The following ASTN2 variants were observed in gnomAD, a reference collection of about 807,000 sequenced individuals.
ASTN2 encodes the protein astrotactin 2, also known as astrotactin-2.
In ASTN2, 54 loss-of-function variants were observed where a neutral mutation model predicts 139.8. That is an observed-to-expected ratio of 0.39 (90% confidence interval 0.31 to 0.48). ASTN2 has a LOEUF of 0.48. ASTN2 is among the 20% of genes least tolerant of loss of function. The pLI, the probability that ASTN2 is intolerant of heterozygous loss-of-function variation, is 0.95. For synonymous variants in ASTN2, 756 were observed against 719.5 expected, an observed-to-expected ratio of 1.05 and a Z score of -0.81; for missense variants, 1,565 against 1,725.1, an observed-to-expected ratio of 0.91 and a Z score of 1.64.
At chr9:117,121,942 C>T (rs900255407) in intron 4 of ASTN2, among the ~76,000 whole-genome samples, 64 of 152,244 alleles carry the variant, frequency 4.2e-4, no homozygotes, top group African/African-American at 1.5e-3. Flanking sequence ...AAATCCGCCC[C>T]CAAGATCCAA....
chr9:116,976,704 T>G lies in ASTN2; in HGVS notation c.1673A>C (p.Glu558Ala). The G allele has an allele frequency of 6.2e-7, 1 of 1,613,976 alleles. No individual in the cohort carries two copies. Among genetic ancestry groups the G allele is most frequent in the Non-Finnish European group, 8.5e-7 (1 of 1,179,898 alleles). Residue 558 changes from glutamate (E) to alanine (A), a missense_variant, in exon 8 of 23, where the codon GAA becomes GCA. Coordinates refer to ENST00000313400, the MANE Select transcript of ASTN2 (RefSeq NM_001365068.1). ...CCTGATGCCCTTTGCCACTCACCCT[T>G]CACTCTGTCCCCAGTCACTGCGCAC... ...LCVRSDWGQS[E>A]GPWPYTTLER... is the part of the protein sequence containing the mutation.
intron 19 of ASTN2, chr9:116,611,932 G>C (rs1855559763): frequency 1.3e-5 from 2 of 152,120 alleles, no homozygotes; most frequent in East Asian, 1.9e-4. Context: ...TGTGAGACCA[G>C]AATGATCCTA....
Position 117,326,424 on chromosome 9 carries a change from G to T in ASTN2, c.443-34911C>A, listed in dbSNP as rs150508211. On this transcript the variant is annotated intron_variant, in intron 1 of 22. Coordinates refer to ENST00000313400, the MANE Select transcript of ASTN2 (RefSeq NM_001365068.1). ...CACAATACTTAAAACTGGAGGCTGA[G>T]CACAGATCATAAGGAAAAAAAACAG... Among the ~76,000 whole-genome samples, 939 of 152,142 alleles carry T rather than the reference G, an allele frequency of 6.2e-3. 9 individuals are homozygous for T. The highest frequency in any genetic ancestry group is 0.021 in the African/African-American group (890 of 41,524).
chr9:117,239,665 T>C (rs1451384881), intron 2 of ASTN2, among the ~76,000 whole-genome samples: 3 of 152,226 alleles, frequency 2.0e-5, no homozygotes, highest in African/African-American at 7.2e-5. Flanking sequence ...ACCATTTCCA[T>C]TTCTTTGAAG....
chr9:117,040,018 G>A, intron 5 of ASTN2, 53 bp from the exon 6 acceptor site: 1 of 1,516,058 alleles, frequency 6.6e-7, no homozygotes, highest in Non-Finnish European at 8.9e-7. Context: ...TGAGGAAATG[G>A]GATTGGCATC....
intron 13 of ASTN2, among the ~76,000 whole-genome samples, chr9:116,803,522 A>ATATATTTTT (rs1554748694): frequency 2.6e-3 from 54 of 20,956 alleles, no homozygotes; most frequent in Admixed American, 4.6e-3. Context: ...ATATATATAT[A>ATATATTTTT]TTTTTTTTTT....
At chr9:116,523,183 C>T (rs1487293353) in intron 19 of ASTN2, among the ~76,000 whole-genome samples, 1 of 151,842 alleles carries the variant, frequency 6.6e-6, no homozygotes, top group Non-Finnish European at 1.5e-5. Context: ...ATTACCAAGC[C>T]CATTATATAA....
chr9:116,716,327 C>A (rs931252115), intron 16 of ASTN2, among the ~76,000 whole-genome samples: 1 of 152,168 alleles, frequency 6.6e-6, no homozygotes, highest in Non-Finnish European at 1.5e-5. Flanking sequence ...GTCTGCCAAT[C>A]AAAGACTCTG....
chr9:116,869,681 G>T (rs1318105735), intron 10 of ASTN2, among the ~76,000 whole-genome samples: 2 of 152,028 alleles, frequency 1.3e-5, no homozygotes, highest in Non-Finnish European at 2.9e-5. Context: ...TTCTGTACAG[G>T]GCTAGATAGT....
At chr9:116,632,270 A>AAAGAAAGAAAGAAAGAAAGATCAC in intron 17 of ASTN2, among the ~76,000 whole-genome samples, 1 of 150,584 alleles carries the variant, frequency 6.6e-6, no homozygotes, top group Non-Finnish European at 1.5e-5. Flanking sequence ...AGAAAGAAAG[A>AAAGAAAGAAAGAAAGAAAGATCAC]AAGAAAGAAA....
chr9:116,446,284 GAGA>G (rs1847994685), intron 20 of ASTN2, among the ~76,000 whole-genome samples: 1 of 149,544 alleles, frequency 6.7e-6, no homozygotes, highest in Non-Finnish European at 1.5e-5. Context: ...GAGAGAGAGA[GAGA>G]GAGAGAGAGA....
chr9:116,958,566 G>A (rs771316647), intron 10 of ASTN2, among the ~76,000 whole-genome samples: 8 of 152,048 alleles, frequency 5.3e-5, no homozygotes, highest in South Asian at 4.2e-4. Context: ...TCCAGCCTGG[G>A]CGACAAAGCT....
intron 1 of ASTN2, among the ~76,000 whole-genome samples, chr9:117,343,898 AAG>A (rs1829134155): frequency 6.6e-6 from 1 of 152,306 alleles, no homozygotes; most frequent in Admixed American, 6.5e-5. Context: ...AGAAAGAAGA[AAG>A]AGATCAAGGA....
chr9:117,181,560 A>G (rs1311777042), intron 3 of ASTN2, among the ~76,000 whole-genome samples: 4 of 152,244 alleles, frequency 2.6e-5, no homozygotes, highest in African/African-American at 9.6e-5. Flanking sequence ...ATTTTATAGC[A>G]TGCTAGACAA....
intron 13 of ASTN2, among the ~76,000 whole-genome samples, chr9:116,788,431 A>G (rs965734229): frequency 1.2e-4 from 18 of 152,316 alleles, no homozygotes; most frequent in African/African-American, 4.3e-4. Context: ...ATTCTATCTC[A>G]TAAATATATA....
At chr9:116,849,151 C>T (rs547632363) in intron 11 of ASTN2, among the ~76,000 whole-genome samples, 20 of 152,288 alleles carry the variant, frequency 1.3e-4, no homozygotes, top group African/African-American at 4.1e-4. Context: ...CTGAGCACAT[C>T]GTCCTCCAGG....
At chr9:117,256,457 A>G (rs917729895) in intron 2 of ASTN2, among the ~76,000 whole-genome samples, 13 of 152,160 alleles carry the variant, frequency 8.5e-5, no homozygotes, top group African/African-American at 2.9e-4. Context: ...TTGGTTAGGC[A>G]CTAAGGTTCC....
intron 4 of ASTN2, among the ~76,000 whole-genome samples, chr9:117,104,227 A>C (rs893187101): frequency 6.6e-6 from 1 of 152,204 alleles, no homozygotes; most frequent in African/African-American, 2.4e-5. Flanking sequence ...ATTGTTTATA[A>C]TTTCAGGGAA....
rs768738447 is a variant in ASTN2 at position 116,514,125 on chromosome 9, TG to T, written c.3356-26626del. The stretch of plus-strand genomic sequence containing the variant: ...TCTGCTCTGTTTTTTTCCCCATCTT[TG>T]TGGTTTTATCTACCTTTGGTCTTTG... On this transcript the variant is annotated intron_variant, in intron 19 of 22. Transcript: ENST00000313400. Among the ~76,000 whole-genome samples the T allele has an allele frequency of 6.5e-4, 99 of 152,018 alleles. 1 individual carries two copies. In the Middle Eastern group the frequency reaches 0.01, roughly 16 times the overall value.
Sources: allele counts gnomAD v4.1 joint callset (sites outside exome capture counted in the v4.1 genomes callset), GRCh38; gene constraint gnomAD v4.1.1; transcripts MANE v1.5; gene names NCBI Gene and HGNC (gene_info 2026-07-23, HGNC 2026-07-21).